The following CCN4 variants were observed in gnomAD, a reference collection of about 807,000 sequenced individuals.
CCN4 encodes the protein cellular communication network factor 4, also known as CCN family member 4.
In CCN4, 30 loss-of-function variants were observed where a neutral mutation model predicts 36.7. The observed-to-expected ratio is 0.82, with a 90% CI of 0.61 to 1.11. The LOEUF (loss-of-function observed/expected upper bound fraction) is 1.11. Among genes scored for constraint, CCN4 ranks in the 50% least tolerant of loss-of-function variants. The pLI, the probability that CCN4 is intolerant of heterozygous loss-of-function variation, is 0.00. For synonymous variants in CCN4, 191 were observed against 195.4 expected, an observed-to-expected ratio of 0.98 and a Z score of 0.19; for missense variants, 505 against 504.9, an observed-to-expected ratio of 1.00 and a Z score of 0.00.
Position 133,228,229 on chromosome 8 carries a change from G to A in CCN4, c.*519G>A, listed in dbSNP as rs1854820260. ...ATTCCAAATATGTATGCACCTCAAG[G>A]TCATCAAACATTTGCCAAGTGAGTT... On this transcript the variant is annotated 3_prime_UTR_variant, in exon 5 of 5. Transcript: ENST00000250160. 2 of 153,616 alleles carry A rather than the reference G, an allele frequency of 1.3e-5. No homozygotes were observed. Among genetic ancestry groups the A allele is most frequent in the African/African-American group, 4.8e-5 (2 of 41,442 alleles). The allele number at this position is 153,616 out of a possible 1,614,324, so 9.5% of individuals were successfully genotyped here.
In CCN4 at chr8:133,212,956, G is replaced by A; in HGVS notation, c.162G>A (p.Glu54=). ...SRPQFCKWPC[E]CPPSPPRCPL... ...CCCAATTCTGCAAGTGGCCATGTGA[G>A]TGCCCGCCATCCCCACCCCGCTGCC... The change falls in exon 2 of 5, where the codon GAG becomes GAA. Residue 54 remains glutamate (E), a synonymous_variant. Transcript: ENST00000250160. 6.2e-7 allele frequency: 1 copy of A among 1,613,962 alleles called. No individual in the cohort carries two copies. Among genetic ancestry groups the A allele is most frequent in the Non-Finnish European group, 8.5e-7 (1 of 1,179,954 alleles).
chr8:133,226,838 A>T (rs750960169), intron 4 of CCN4, among the ~76,000 whole-genome samples: 1 of 152,264 alleles, frequency 6.6e-6, no homozygotes, highest in Non-Finnish European at 1.5e-5. Context: ...CCTACTCTGT[A>T]CTAGGCATGG....
rs534578597 is a variant in CCN4, at chr8:133,229,016, T to C, written c.*1306T>C. 1.3e-5 allele frequency: 2 copies of C among 152,346 alleles called. No individual in the cohort carries two copies. Among genetic ancestry groups the C allele is most frequent in the South Asian group, 4.1e-4 (2 of 4,832 alleles). The allele number at this position is 152,346 out of a possible 1,614,324, so 9.4% of individuals were successfully genotyped here. On this transcript the variant is annotated 3_prime_UTR_variant, in exon 5 of 5. Coordinates refer to ENST00000250160, the MANE Select transcript of CCN4 (RefSeq NM_003882.4). ...TTTATTGTATTAGGAAAATATAATATTTACTGTTAGAATTCTTTTATTTAG... is the reference window on the plus strand; with the variant it reads ...TTTATTGTATTAGGAAAATATAATACTTACTGTTAGAATTCTTTTATTTAG...
chr8:133,191,115 G>A lies in CCN4; in HGVS notation c.-30G>A, dbSNP rs373840690. On this transcript the variant is annotated 5_prime_UTR_variant, in exon 1 of 5. Coordinates refer to ENST00000250160, the MANE Select transcript of CCN4 (RefSeq NM_003882.4). ...GGTGGTCGGATCCTCTGGGCTGCTC[G>A]GTCGATGCCTGTGCCACTGACGTCC... is the stretch of plus-strand genomic sequence containing the variant. The A allele has an allele frequency of 1.0e-4, 161 of 1,603,886 alleles. No individual in the cohort carries two copies. Among genetic ancestry groups the A allele is most frequent in the Admixed American group, 1.2e-4 (7 of 59,982 alleles).
intron 2 of CCN4, among the ~76,000 whole-genome samples, chr8:133,220,207 A>G (rs1854467128): frequency 6.6e-6 from 1 of 152,124 alleles, no homozygotes; most frequent in Non-Finnish European, 1.5e-5. Flanking sequence ...TTTTTTTACA[A>G]GTCGGTCACC....
intron 1 of CCN4, among the ~76,000 whole-genome samples, chr8:133,200,255 C>T (rs1159989440): frequency 6.6e-6 from 1 of 152,210 alleles, no homozygotes; most frequent in Admixed American, 6.5e-5. Context: ...GCTCTTGTTA[C>T]AGAGAAAGTG....
At chr8:133,201,501 T>G (rs1853585522) in intron 1 of CCN4, among the ~76,000 whole-genome samples, 1 of 152,140 alleles carries the variant, frequency 6.6e-6, no homozygotes, top group Admixed American at 6.5e-5. Flanking sequence ...CTGGAGAATT[T>G]CAGGTAAAAT....
intron 3 of CCN4, 32 bp downstream of exon 3, chr8:133,220,873 G>T: frequency 1.9e-6 from 3 of 1,575,960 alleles, no homozygotes; most frequent in Non-Finnish European, 2.6e-6. Flanking sequence ...CTGGGGGTGG[G>T]ACCCTACAAA....
intron 1 of CCN4, among the ~76,000 whole-genome samples, chr8:133,200,409 C>T (rs13250295): frequency 0.24 from 36,101 of 152,166 alleles, 4,814 homozygotes; most frequent in Middle Eastern, 0.33. Flanking sequence ...GGAACAAGCC[C>T]GAGCTCAATG....
chr8:133,211,835 C>A (rs75761561), intron 1 of CCN4, among the ~76,000 whole-genome samples: 2 of 152,182 alleles, frequency 1.3e-5, no homozygotes, highest in Non-Finnish European at 2.9e-5. Context: ...TGTCCTCAGG[C>A]GATTCTCTTC....
At chr8:133,198,229 C>A (rs886738637) in intron 1 of CCN4, among the ~76,000 whole-genome samples, 1 of 152,176 alleles carries the variant, frequency 6.6e-6, no homozygotes, top group Non-Finnish European at 1.5e-5. Context: ...AAGGGGTTGT[C>A]GGCACCCAAA....
intron 1 of CCN4, among the ~76,000 whole-genome samples, chr8:133,203,580 A>G (rs923781011): frequency 1.3e-5 from 2 of 152,202 alleles, no homozygotes; most frequent in Non-Finnish European, 2.9e-5. Flanking sequence ...GGATGTTGAC[A>G]TCACCATCAT....
chr8:133,202,714 C>A (rs1393852677), intron 1 of CCN4, among the ~76,000 whole-genome samples: 2 of 152,312 alleles, frequency 1.3e-5, no homozygotes, highest in Non-Finnish European at 1.5e-5. Context: ...GCTCATACAC[C>A]TTTCACGGGT....
At chr8:133,203,984 ATAT>A (rs1853677153) in intron 1 of CCN4, among the ~76,000 whole-genome samples, 1 of 152,198 alleles carries the variant, frequency 6.6e-6, no homozygotes, top group Non-Finnish European at 1.5e-5. Context: ...TCACCTTTAA[ATAT>A]TATCTCAAAA....
chr8:133,210,925 C>T (rs114522728), intron 1 of CCN4, among the ~76,000 whole-genome samples: 2,452 of 152,272 alleles, frequency 0.016, 73 homozygotes, highest in African/African-American at 0.055. Context: ...TGCATCGCAG[C>T]GGCCTTGAGG....
chr8:133,205,599 A>T (rs1853743250), intron 1 of CCN4, among the ~76,000 whole-genome samples: 2 of 151,972 alleles, frequency 1.3e-5, no homozygotes, highest in South Asian at 4.2e-4. Context: ...CTCTCTGGGG[A>T]CTCTACAGGA....
Position 133,229,192 on chromosome 8 carries a change from A to G in CCN4, c.*1482A>G, listed in dbSNP as rs1285062306. 1 of 152,196 alleles carries G rather than the reference A, an allele frequency of 6.6e-6. No homozygotes were observed. Among genetic ancestry groups the G allele is most frequent in the African/African-American group, 2.4e-5 (1 of 41,462 alleles). The allele number at this position is 152,196 out of a possible 1,614,324, so 9.4% of individuals were successfully genotyped here. On this transcript the variant is annotated 3_prime_UTR_variant, in exon 5 of 5. Transcript: ENST00000250160. The stretch of plus-strand genomic sequence containing the variant: ...GAGGTGAGAAAACTCAACCAGAGTC[A>G]CCCAGTTGGTGACTGGGAAAGTTAG...
intron 1 of CCN4, among the ~76,000 whole-genome samples, chr8:133,198,956 C>T (rs892170904): frequency 1.2e-4 from 18 of 152,258 alleles, no homozygotes; most frequent in African/African-American, 4.3e-4. Flanking sequence ...CAGGTGCTCA[C>T]AGTGTACTTC....
intron 2 of CCN4, 75 bp from the exon 3 acceptor site, chr8:133,220,506 G>A: frequency 6.4e-7 from 1 of 1,567,638 alleles, no homozygotes; most frequent in Admixed American, 1.7e-5. Context: ...GGTCCACATG[G>A]AGCCCCTATA....
Sources: allele counts gnomAD v4.1 joint callset (sites outside exome capture counted in the v4.1 genomes callset), GRCh38; gene constraint gnomAD v4.1.1; transcripts MANE v1.5; gene names NCBI Gene and HGNC (gene_info 2026-07-23, HGNC 2026-07-21).